The following MEIS3 variants were observed in gnomAD, a reference collection of about 807,000 sequenced individuals.
MEIS3 encodes the protein Meis homeobox 3, also known as homeobox protein Meis3.
In MEIS3, 38 loss-of-function variants were observed where a neutral mutation model predicts 51.4. That is an observed-to-expected ratio of 0.74 (90% CI 0.57 to 0.97). MEIS3 has a LOEUF of 0.97. Ranked by LOEUF, MEIS3 falls within the 50% of genes least tolerant of loss-of-function variation. The probability of loss-of-function intolerance (pLI) is 0.00; values close to 1 mark genes in which losing one functional copy is unlikely to be tolerated. For missense variants in MEIS3, 456 were observed against 502.6 expected (o/e 0.91, Z 0.89); for synonymous variants, 198 against 201.8 (o/e 0.98, Z 0.16).
At chr19:47,410,096 C>A (rs1003827423) in intron 6 of MEIS3, among the ~76,000 whole-genome samples, 3 of 152,042 alleles carry the variant, frequency 2.0e-5, no homozygotes, top group African/African-American at 7.2e-5. Context: ...CACCTGAGGT[C>A]GGGCATTTGA....
upstream of MEIS3, among the ~76,000 whole-genome samples, chr19:47,421,373 G>A (rs1971711529): frequency 6.6e-6 from 1 of 152,126 alleles, no homozygotes; most frequent in African/African-American, 2.4e-5. Context: ...CGACCACTGG[G>A]GCTATGCCCA....
intron 6 of MEIS3, among the ~76,000 whole-genome samples, chr19:47,413,894 A>ATTTTTT (rs560828506): frequency 7.0e-6 from 1 of 141,848 alleles, no homozygotes. Context: ...CACCCAGCTA[A>ATTTTTT]TTTTTTTTTT....
At chr19:47,404,676 T>C (rs775843307) in intron 12 of MEIS3, among the ~76,000 whole-genome samples, 2 of 152,050 alleles carry the variant, frequency 1.3e-5, no homozygotes, top group Non-Finnish European at 2.9e-5. Flanking sequence ...CCTCCTTGAA[T>C]CCTCTAGTCT....
intron 1 of MEIS3, chr19:47,418,322 G>T (rs551129318): frequency 2.0e-3 from 305 of 152,806 alleles, no homozygotes; most frequent in Non-Finnish European, 3.5e-3. Flanking sequence ...CTGGTTCTGT[G>T]TGTCCCACTC....
upstream of MEIS3, among the ~76,000 whole-genome samples, chr19:47,422,068 C>T (rs550592423): frequency 3.6e-4 from 55 of 152,058 alleles, no homozygotes; most frequent in African/African-American, 1.3e-3. Flanking sequence ...CCTGCGCCCG[C>T]CCCTCCGCCC....
Position 47,418,096 on chromosome 19 carries a change from A to T in MEIS3, c.13-746T>A, listed in dbSNP as rs982001305. On this transcript the variant is annotated intron_variant, in intron 1 of 12. Coordinates refer to ENST00000558555, the MANE Select transcript of MEIS3 (RefSeq NM_001301059.2). ...AGGGTCACTCCGCACCACCATACAG[A>T]CACGATTGCGCACCCAAGAGAAACA... 2.5e-5 allele frequency: 5 copies of T among 201,120 alleles called. No individual in the cohort carries two copies. The South Asian group carries it at 4.2e-4, about 17-fold the overall frequency. The allele number at this position is 201,120 out of a possible 1,614,324, so 12.5% of individuals were successfully genotyped here.
At chr19:47,416,503 C>T (rs921800094) in intron 4 of MEIS3, 149 bp downstream of exon 4, 6 of 678,836 alleles carry the variant, frequency 8.8e-6, no homozygotes, top group South Asian at 6.3e-5. Flanking sequence ...CTAGGCTGTA[C>T]CACACGGCAC....
chr19:47,410,174 A>G (rs1971059843), intron 6 of MEIS3, among the ~76,000 whole-genome samples: 1 of 151,826 alleles, frequency 6.6e-6, no homozygotes, highest in Non-Finnish European at 1.5e-5. Flanking sequence ...TGGCTTGGGC[A>G]CAGTGGCTCA....
At chr19:47,416,627 G>A in intron 4 of MEIS3, 25 bp downstream of exon 4, 2 of 1,502,428 alleles carry the variant, frequency 1.3e-6, no homozygotes, top group South Asian at 1.3e-5. Flanking sequence ...GGAGGAGGGG[G>A]TGTGGGGGAG....
At position 47,409,899 on chromosome 19, in the gene MEIS3, A is replaced by G. The variant is rs554812881; in HGVS notation, c.598-352T>C. Among the ~76,000 whole-genome samples, 10 of 151,072 alleles carry G rather than the reference A, an allele frequency of 6.6e-5. No individual in the cohort carries two copies. The South Asian group carries it at 1.9e-3, about 28-fold the overall frequency. On this transcript the variant is annotated intron_variant, in intron 6 of 12. Coordinates refer to ENST00000558555, the MANE Select transcript of MEIS3 (RefSeq NM_001301059.2). ...AAAAGTTAGTGCCAAGGCTTTGGGC[A>G]TGGACTCTGGAGCTAGGACTCCTGG... is the stretch of plus-strand genomic sequence containing the variant.
At chr19:47,421,837 G>A (rs55719219), upstream of MEIS3, among the ~76,000 whole-genome samples, 14,343 of 147,910 alleles carry the variant, frequency 0.097, 703 homozygotes, top group Middle Eastern at 0.14. Flanking sequence ...CATCTTTCTC[G>A]GTCTCTCTCT....
Position 47,403,528 on chromosome 19 carries a change from C to A in MEIS3, c.*43G>T, listed in dbSNP as rs550100598. On this transcript the variant is annotated 3_prime_UTR_variant, in exon 13 of 13. Coordinates refer to ENST00000558555, the MANE Select transcript of MEIS3 (RefSeq NM_001301059.2). ...GCGGGAACCAGAGGCAGGTGTGAGG[C>A]TGGGGGTCACAGCCGGAGGCTGGGT... 58 of 452,802 alleles carry A rather than the reference C, an allele frequency of 1.3e-4. 2 individuals carry two copies. The highest frequency in any genetic ancestry group is 8.9e-4 in the South Asian group (57 of 64,080). 28.0% of individuals were successfully genotyped at this position (452,802 alleles called of 1,614,324 possible).
chr19:47,407,519 G>A (rs376275211), intron 8 of MEIS3, 91 bp from the exon 9 acceptor site: 2 of 1,604,196 alleles, frequency 1.2e-6, no homozygotes, highest in East Asian at 4.5e-5. Context: ...GGGATGGGGA[G>A]CCCAGGCCCA....
chr19:47,421,411 G>C (rs559124962), upstream of MEIS3, among the ~76,000 whole-genome samples: 1 of 152,146 alleles, frequency 6.6e-6, no homozygotes, highest in Non-Finnish European at 1.5e-5. Flanking sequence ...CCGGGGATCC[G>C]CAGTGGTCCC....
At chr19:47,409,327 A>G in intron 7 of MEIS3, 80 bp from the exon 8 acceptor site, 1 of 1,580,246 alleles carries the variant, frequency 6.3e-7, no homozygotes. Flanking sequence ...CCCCCAAGAC[A>G]ACACTCCACA....
chr19:47,416,510 G>T, intron 4 of MEIS3, 142 bp downstream of exon 4: 1 of 700,466 alleles, frequency 1.4e-6, no homozygotes, highest in Non-Finnish European at 2.4e-6. Context: ...GTACCACACG[G>T]CACGTGGGCA....
intron 1 of MEIS3, chr19:47,418,092 A>C: frequency 4.8e-6 from 1 of 209,496 alleles, no homozygotes; most frequent in Admixed American, 5.3e-5. Context: ...GCACCACCAT[A>C]CAGACACGAT....
chr19:47,420,311 T>G (rs2122585644), upstream of MEIS3, among the ~76,000 whole-genome samples: 1 of 152,314 alleles, frequency 6.6e-6, no homozygotes, highest in Middle Eastern at 3.4e-3. Flanking sequence ...GTTAGGAGTC[T>G]CTGGCTCTAT....
At chr19:47,421,386 A>G (rs1055742939), upstream of MEIS3, among the ~76,000 whole-genome samples, 1 of 152,134 alleles carries the variant, frequency 6.6e-6, no homozygotes, top group African/African-American at 2.4e-5. Context: ...TATGCCCACC[A>G]GGCAGCCACG....
Sources: gnomAD v4.1 joint callset for allele counts (sites outside exome capture counted in the v4.1 genomes callset) on GRCh38, gnomAD v4.1.1 for gene constraint, MANE v1.5 for transcripts, NCBI Gene and HGNC (gene_info 2026-07-23, HGNC 2026-07-21) for gene names.